Variants in MDFIC2 observed in about 807,000 individuals in gnomAD.
MDFIC2 encodes myoD family inhibitor domain-containing protein 2.
At chr3:70,199,319 C>G (rs906552972) in intron 3 of MDFIC2, among the ~76,000 whole-genome samples, 8 of 152,080 alleles carry the variant, frequency 5.3e-5, no homozygotes, top group Non-Finnish European at 1.2e-4. Flanking sequence ...AATGTCTCCT[C>G]AAGTTGGCAG....
At chr3:70,254,839 T>A (rs2106655404) in intron 2 of MDFIC2, among the ~76,000 whole-genome samples, 1 of 152,354 alleles carries the variant, frequency 6.6e-6, no homozygotes, top group East Asian at 1.9e-4. Context: ...TCTTTATTTA[T>A]GCATCCCTTA....
At chr3:70,251,704 T>G (rs1701770599) in intron 2 of MDFIC2, among the ~76,000 whole-genome samples, 1 of 152,182 alleles carries the variant, frequency 6.6e-6, no homozygotes, top group African/African-American at 2.4e-5. Context: ...CCGCAATTAC[T>G]TTTGCCCCAA....
At chr3:70,307,608 T>C (rs1340225185) in intron 2 of MDFIC2, among the ~76,000 whole-genome samples, 1 of 152,306 alleles carries the variant, frequency 6.6e-6, no homozygotes. Flanking sequence ...AGGTCATATT[T>C]TTCTCGCTTC....
At chr3:70,290,974 A>T (rs1265105773) in intron 2 of MDFIC2, among the ~76,000 whole-genome samples, 3 of 152,078 alleles carry the variant, frequency 2.0e-5, no homozygotes, top group Non-Finnish European at 4.4e-5. Flanking sequence ...CTCCCTAGTG[A>T]GATGAACCCG....
At chr3:70,294,842 G>C (rs746929225) in intron 2 of MDFIC2, among the ~76,000 whole-genome samples, 1 of 152,136 alleles carries the variant, frequency 6.6e-6, no homozygotes, top group South Asian at 2.1e-4. Context: ...CAAGCATCAC[G>C]TAGCAATTTG....
intron 2 of MDFIC2, chr3:70,283,862 T>C (rs1286834131): frequency 6.6e-6 from 1 of 152,108 alleles, no homozygotes; most frequent in East Asian, 1.9e-4. Flanking sequence ...GTACATAATG[T>C]ATTTTTAAGA....
In MDFIC2 at chr3:70,261,833, G is replaced by C. The variant is rs532831846; in HGVS notation, c.88+50053C>G. ...AACCAAGAAGACTAGGATGTGACTG[G>C]AACCTGAATGCCCGAACCCTTTTAG... On this transcript the variant is annotated intron_variant, in intron 2 of 3. Coordinates refer to ENST00000567252, the MANE Select transcript of MDFIC2 (RefSeq NM_001364677.1). Among the ~76,000 whole-genome samples the C allele has an allele frequency of 9.2e-5, 14 of 152,262 alleles. No homozygotes were observed. In the East Asian group the frequency reaches 2.7e-3, roughly 29 times the overall value.
intron 2 of MDFIC2, chr3:70,291,729 T>TA (rs1397621570): frequency 9.2e-5 from 14 of 152,214 alleles, no homozygotes; most frequent in Admixed American, 9.2e-4. Context: ...TGACAACAGA[T>TA]TAGAAAATGA....
chr3:70,251,301 A>T (rs923125146), intron 2 of MDFIC2, among the ~76,000 whole-genome samples: 11 of 152,218 alleles, frequency 7.2e-5, no homozygotes, highest in Admixed American at 5.2e-4. Context: ...TCCAGAAAGT[A>T]AAGTGATTTA....
intron 2 of MDFIC2, among the ~76,000 whole-genome samples, chr3:70,280,813 A>G (rs1211060320): frequency 6.6e-6 from 1 of 152,150 alleles, no homozygotes; most frequent in Non-Finnish European, 1.5e-5. Context: ...TAGGTCATGA[A>G]ACACCCATCC....
intron 2 of MDFIC2, among the ~76,000 whole-genome samples, chr3:70,272,527 C>A (rs1456972431): frequency 6.6e-6 from 1 of 152,200 alleles, no homozygotes; most frequent in Non-Finnish European, 1.5e-5. Flanking sequence ...TGGATGTTTC[C>A]TGTTTTTAGG....
chr3:70,309,836 G>C (rs1217213255), intron 2 of MDFIC2, among the ~76,000 whole-genome samples: 2 of 152,060 alleles, frequency 1.3e-5, no homozygotes, highest in African/African-American at 4.8e-5. Context: ...GATAAAACAG[G>C]TCACCTGGGA....
chr3:70,207,496 G>A (rs950035854), intron 2 of MDFIC2, among the ~76,000 whole-genome samples: 2 of 151,976 alleles, frequency 1.3e-5, no homozygotes, highest in Non-Finnish European at 2.9e-5. Flanking sequence ...GGTTTGGAGA[G>A]CCATAGAGAA....
At chr3:70,263,388 T>C (rs577795973) in intron 2 of MDFIC2, among the ~76,000 whole-genome samples, 1 of 152,342 alleles carries the variant, frequency 6.6e-6, no homozygotes, top group African/African-American at 2.4e-5. Flanking sequence ...AGGGTAGGTC[T>C]ATAGGAATAA....
At position 70,239,279 on chromosome 3, in the gene MDFIC2, C is replaced by G. The variant is rs74738025; in HGVS notation, c.89-32489G>C. Among the ~76,000 whole-genome samples, 795 of 151,874 alleles carry G rather than the reference C, an allele frequency of 5.2e-3. 9 individuals carry two copies. The highest frequency in any genetic ancestry group is 0.018 in the African/African-American group (756 of 41,492). Reference sequence around the variant, plus strand: ...GATTTCAAAGATTGTTTTAAAAAATCAAATGGTTTTCACAGTTTCTTTCTT... The same window carrying G: ...GATTTCAAAGATTGTTTTAAAAAATGAAATGGTTTTCACAGTTTCTTTCTT... On this transcript the variant is annotated intron_variant, in intron 2 of 3. Coordinates refer to ENST00000567252, the MANE Select transcript of MDFIC2 (RefSeq NM_001364677.1).
In MDFIC2 at chr3:70,194,656, T is replaced by A. The variant is rs1378290503; in HGVS notation, c.*2270A>T. ...GTAGTGTTCTGACCACATTACCACA[T>A]AAGACCTGGTGATTTTTATGTCTCT... On this transcript the variant is annotated 3_prime_UTR_variant, in exon 4 of 4. Transcript: ENST00000567252. Among the ~76,000 whole-genome samples, 1 of 152,226 alleles carries A rather than the reference T, an allele frequency of 6.6e-6. No homozygotes were observed. The highest frequency in any genetic ancestry group is 1.5e-5 in the Non-Finnish European group (1 of 68,038).
chr3:70,273,063 G>A (rs1701989146), intron 2 of MDFIC2, among the ~76,000 whole-genome samples: 1 of 152,154 alleles, frequency 6.6e-6, no homozygotes, highest in South Asian at 2.1e-4. Context: ...CTGTTGTCAA[G>A]GGAAGTTCAG....
At chr3:70,264,602 G>A (rs1225248527) in intron 2 of MDFIC2, among the ~76,000 whole-genome samples, 1 of 152,208 alleles carries the variant, frequency 6.6e-6, no homozygotes, top group Non-Finnish European at 1.5e-5. Flanking sequence ...CATATACTAA[G>A]TCACTCATCT....
chr3:70,253,365 A>G (rs1701787345), intron 2 of MDFIC2, among the ~76,000 whole-genome samples: 1 of 152,134 alleles, frequency 6.6e-6, no homozygotes, highest in Admixed American at 6.5e-5. Flanking sequence ...ATAAATGTGC[A>G]AGGGGCTGAG....
Sources: allele counts gnomAD v4.1 joint callset (sites outside exome capture counted in the v4.1 genomes callset), GRCh38; gene constraint gnomAD v4.1.1; transcripts MANE v1.5; gene names NCBI Gene and HGNC (gene_info 2026-07-23, HGNC 2026-07-21).